SLIT3: variants seen among roughly 807,000 people sequenced by gnomAD.
SLIT3 encodes slit guidance ligand 3, also known as slit homolog 3 protein.
In SLIT3, 68 loss-of-function variants were observed where a neutral mutation model predicts 184.0. That is an observed-to-expected ratio of 0.37 (90% CI 0.30 to 0.45). The LOEUF is 0.45. Among genes scored for constraint, SLIT3 ranks in the 20% least tolerant of loss-of-function variants. The pLI is 1.00. For missense variants in SLIT3, 1,707 were observed against 2,026.0 expected (o/e 0.84, Z 3.02); for synonymous variants, 831 against 828.6 (o/e 1.00, Z -0.05).
chr5:168,709,757 T>C (rs1762491568), intron 25 of SLIT3, among the ~76,000 whole-genome samples: 1 of 152,014 alleles, frequency 6.6e-6, no homozygotes, highest in African/African-American at 2.4e-5. Context: ...ATCAAACAAC[T>C]GTGTATACAA....
At position 169,208,100 on chromosome 5, in the gene SLIT3, A is replaced by C. The variant is rs374880547; in HGVS notation, c.342-14550T>G. ...GGGAAGAAAAAAAAGAAAAGGAAAGATCTGCCTCAAAGAATTCATAGTAGT... is the reference window on the plus strand; with the variant it reads ...GGGAAGAAAAAAAAGAAAAGGAAAGCTCTGCCTCAAAGAATTCATAGTAGT... On this transcript the variant is annotated intron_variant, in intron 3 of 35. Coordinates refer to ENST00000519560, the MANE Select transcript of SLIT3 (RefSeq NM_003062.4). Among the ~76,000 whole-genome samples the C allele has an allele frequency of 9.2e-5, 14 of 152,362 alleles. No individual in the cohort carries two copies. In the East Asian group the frequency reaches 2.7e-3, roughly 29 times the overall value.
At chr5:169,209,858 C>T (rs558798334) in intron 3 of SLIT3, among the ~76,000 whole-genome samples, 5 of 152,112 alleles carry the variant, frequency 3.3e-5, no homozygotes, top group African/African-American at 2.4e-5. Flanking sequence ...GATGGTTTGA[C>T]GGGGTGCAGC....
chr5:169,080,334 T>C (rs184964977), intron 4 of SLIT3, among the ~76,000 whole-genome samples: 1 of 152,318 alleles, frequency 6.6e-6, no homozygotes, highest in East Asian at 1.9e-4. Flanking sequence ...TTAGCAGGTA[T>C]TGAGCCTTTA....
At chr5:168,921,335 T>C (rs1761629257) in intron 4 of SLIT3, among the ~76,000 whole-genome samples, 1 of 152,192 alleles carries the variant, frequency 6.6e-6, no homozygotes, top group Non-Finnish European at 1.5e-5. Context: ...TCACCTCACG[T>C]ACAAAATGAA....
intron 5 of SLIT3, among the ~76,000 whole-genome samples, chr5:168,870,669 G>A (rs1235966105): frequency 2.0e-5 from 3 of 152,202 alleles, no homozygotes; most frequent in African/African-American, 7.2e-5. Flanking sequence ...TGTGATATGA[G>A]TAGACCTGAA....
intron 5 of SLIT3, among the ~76,000 whole-genome samples, chr5:168,849,486 T>C (rs1758597656): frequency 6.6e-6 from 1 of 152,236 alleles, no homozygotes; most frequent in African/African-American, 2.4e-5. Context: ...GACTTCTGCA[T>C]GAAATTCACA....
intron 9 of SLIT3, among the ~76,000 whole-genome samples, chr5:168,802,943 A>G (rs1756820439): frequency 6.6e-6 from 1 of 152,224 alleles, no homozygotes; most frequent in African/African-American, 2.4e-5. Flanking sequence ...TTATCTGCCC[A>G]TGGCTACAAG....
At chr5:169,208,503 C>G (rs369582119) in intron 3 of SLIT3, among the ~76,000 whole-genome samples, 6 of 152,012 alleles carry the variant, frequency 3.9e-5, no homozygotes, top group African/African-American at 1.4e-4. Context: ...GAGAACAAAG[C>G]TGGAGGCATC....
intron 4 of SLIT3, among the ~76,000 whole-genome samples, chr5:169,030,039 AC>A (rs1230685393): frequency 1.3e-5 from 2 of 152,110 alleles, no homozygotes; most frequent in Non-Finnish European, 2.9e-5. Context: ...GGAGCTACCC[AC>A]CACCTTGGCT....
intron 5 of SLIT3, among the ~76,000 whole-genome samples, chr5:168,852,213 C>A (rs560078765): frequency 3.9e-5 from 6 of 152,250 alleles, no homozygotes; most frequent in South Asian, 2.1e-4. Context: ...GAGGAAGAAG[C>A]GAGAAACTGG....
chr5:168,750,903 A>T (rs2113465440), intron 18 of SLIT3, among the ~76,000 whole-genome samples: 1 of 152,230 alleles, frequency 6.6e-6, no homozygotes, highest in Admixed American at 6.5e-5. Flanking sequence ...GATTAACAGC[A>T]AGTTAGTGAA....
At chr5:169,245,308 G>A (rs968693244) in intron 2 of SLIT3, among the ~76,000 whole-genome samples, 1 of 152,008 alleles carries the variant, frequency 6.6e-6, no homozygotes, top group African/African-American at 2.4e-5. Context: ...GGTCCTAAAA[G>A]ATCAGGCTCC....
chr5:168,868,915 C>T (rs1286688821), intron 5 of SLIT3, among the ~76,000 whole-genome samples: 1 of 152,254 alleles, frequency 6.6e-6, no homozygotes, highest in East Asian at 1.9e-4. Context: ...AAAATCTCAC[C>T]TATTCTATTG....
chr5:169,226,521 G>A (rs1764816932), intron 3 of SLIT3, among the ~76,000 whole-genome samples: 1 of 152,152 alleles, frequency 6.6e-6, no homozygotes, highest in South Asian at 2.1e-4. Flanking sequence ...CAAATTGGGT[G>A]CCTTCGCCGA....
intron 4 of SLIT3, among the ~76,000 whole-genome samples, chr5:169,015,983 C>G (rs1172778061): frequency 1.2e-5 from 1 of 80,652 alleles, no homozygotes; most frequent in East Asian, 8.5e-4. Context: ...CACACACACA[C>G]ACAACTTTCT....
intron 3 of SLIT3, among the ~76,000 whole-genome samples, chr5:169,194,040 T>C (rs1763658217): frequency 6.6e-6 from 1 of 151,756 alleles, no homozygotes; most frequent in Non-Finnish European, 1.5e-5. Context: ...GAGACCATCA[T>C]TGGGCAACAT....
At chr5:168,831,875 C>T (rs760805755) in intron 6 of SLIT3, among the ~76,000 whole-genome samples, 2 of 152,182 alleles carry the variant, frequency 1.3e-5, no homozygotes, top group African/African-American at 4.8e-5. Context: ...TCCATCCACT[C>T]GGCAGAGCCT....
At chr5:169,186,283 G>A (rs1022823543) in intron 4 of SLIT3, among the ~76,000 whole-genome samples, 5 of 152,120 alleles carry the variant, frequency 3.3e-5, no homozygotes, top group African/African-American at 1.2e-4. Context: ...AGACACCAGG[G>A]TTATGCTACC....
intron 4 of SLIT3, among the ~76,000 whole-genome samples, chr5:169,068,301 A>G (rs1219298526): frequency 6.6e-6 from 1 of 152,258 alleles, no homozygotes; most frequent in Non-Finnish European, 1.5e-5. Flanking sequence ...AAAATATATG[A>G]AACAAGTATA....
Sources: allele counts gnomAD v4.1 joint callset (sites outside exome capture counted in the v4.1 genomes callset), GRCh38; gene constraint gnomAD v4.1.1; transcripts MANE v1.5; gene names NCBI Gene and HGNC (gene_info 2026-07-23, HGNC 2026-07-21).